Variants in SLC38A10 observed in about 807,000 individuals in gnomAD.
SLC38A10 encodes the protein solute carrier family 38 member 10.
SLC38A10 carries 53 observed loss-of-function variants against 81.0 expected under a neutral mutation model. The observed-to-expected ratio is 0.65, with a 90% CI of 0.53 to 0.82. The LOEUF (loss-of-function observed/expected upper bound fraction) is 0.82. SLC38A10 is among the 40% of genes least tolerant of loss of function. SLC38A10 has a pLI of 0.00. For synonymous variants in SLC38A10, 665 were observed against 655.3 expected (o/e 1.01, Z -0.23); for missense variants, 1,471 against 1,545.0 (o/e 0.95, Z 0.80).
rs2063102432 is a variant in SLC38A10, at chr17:81,270,217, CA to C, written c.1131+700del. ...ACTTTGGGTAGAGCCACCACATTTACAGATGCTCACACCCCTGACACAGGAT... is the reference window on the plus strand; with the variant it reads ...ACTTTGGGTAGAGCCACCACATTTACGATGCTCACACCCCTGACACAGGAT... On this transcript the variant is annotated intron_variant, in intron 10 of 15. Transcript: ENST00000374759. This position sits in a 1 kb window ranked among gnomAD's most constrained non-coding sequence, Gnocchi z 4.0. Among the ~76,000 whole-genome samples the C allele has an allele frequency of 6.6e-6, 1 of 152,204 alleles. No homozygotes were observed. The highest frequency in any genetic ancestry group is 6.5e-5 in the Admixed American group (1 of 15,282).
chr17:81,258,102 C>T (rs941360918), intron 11 of SLC38A10, among the ~76,000 whole-genome samples: 1 of 152,318 alleles, frequency 6.6e-6, no homozygotes, highest in Non-Finnish European at 1.5e-5. Flanking sequence ...CGTCTAACCA[C>T]GACACATGAC....
At chr17:81,294,736 G>T in intron 1 of SLC38A10, 87 bp downstream of exon 1, 1 of 1,264,510 alleles carries the variant, frequency 7.9e-7, no homozygotes, top group Non-Finnish European at 1.1e-6. Flanking sequence ...GCCCTGCCCC[G>T]GCGGGAACTT....
chr17:81,271,949 G>C (rs915495775), intron 9 of SLC38A10, among the ~76,000 whole-genome samples: 4 of 151,634 alleles, frequency 2.6e-5, no homozygotes, highest in African/African-American at 9.7e-5. Context: ...GGATGGTTTC[G>C]ATCTCCTGAC....
chr17:81,267,348 G>T (rs2063078992), intron 10 of SLC38A10, among the ~76,000 whole-genome samples: 1 of 152,172 alleles, frequency 6.6e-6, no homozygotes, highest in Non-Finnish European at 1.5e-5. Flanking sequence ...CTAAAAAAAT[G>T]AGGGAGGAAT....
At chr17:81,294,695 C>T (rs1245803566) in intron 1 of SLC38A10, 128 bp downstream of exon 1, 3 of 764,034 alleles carry the variant, frequency 3.9e-6, no homozygotes, top group African/African-American at 3.7e-5. Flanking sequence ...AGGGTCGCCC[C>T]GCCCGCGGCC....
In SLC38A10 at chr17:81,246,133, G is replaced by A; in HGVS notation, c.2783C>T (p.Pro928Leu). The change falls in exon 16 of 16, where the codon CCC (proline) becomes CTC (leucine). Residue 928 changes from proline (P) to leucine (L), a missense_variant. Coordinates refer to ENST00000374759, the MANE Select transcript of SLC38A10 (RefSeq NM_001037984.3). ...GCCCAGGTCTCGGCTCACTTGCTTGGGCTTCATGCGAGGGTCCCCCGTCTC... is the reference window on the plus strand; with the variant it reads ...GCCCAGGTCTCGGCTCACTTGCTTGAGCTTCATGCGAGGGTCCCCCGTCTC... ...GAETGDPRMK[P>L]KQVSRDLGLA... The A allele has an allele frequency of 2.5e-6, 4 of 1,610,082 alleles. No homozygotes were observed. The highest frequency in any genetic ancestry group is 3.4e-6 in the Non-Finnish European group (4 of 1,179,728).
Position 81,289,404 on chromosome 17 carries a change from G to A in SLC38A10, c.217+287C>T, listed in dbSNP as rs1159039459. ...TTTAATTCTTTTGAGACAGGGTCTC[G>A]CTCTGTCACCCAGGCTGGAATACAA... On this transcript the variant is annotated intron_variant, in intron 2 of 15. Coordinates refer to ENST00000374759, the MANE Select transcript of SLC38A10 (RefSeq NM_001037984.3). This position sits in a 1 kb window ranked among gnomAD's most constrained non-coding sequence, Gnocchi z 5.9. 1.0e-4 allele frequency among the ~76,000 whole-genome samples: 15 copies of A among 150,666 alleles called. No individual in the cohort carries two copies. Among genetic ancestry groups the A allele is most frequent in the Non-Finnish European group, 1.9e-4 (13 of 67,756 alleles).
chr17:81,266,106 G>T (rs970977476), intron 10 of SLC38A10, among the ~76,000 whole-genome samples: 1 of 152,186 alleles, frequency 6.6e-6, no homozygotes, highest in Admixed American at 6.5e-5. Flanking sequence ...TCAGTGACGC[G>T]CCAGCCACTC....
chr17:81,251,733 C>G, intron 13 of SLC38A10, 121 bp from the exon 14 acceptor site: 1 of 1,085,394 alleles, frequency 9.2e-7, no homozygotes, highest in Non-Finnish European at 1.2e-6. Flanking sequence ...AAAGTGACAC[C>G]CCCGTCAGCA....
chr17:81,261,407 G>A (rs1016307140), intron 10 of SLC38A10, among the ~76,000 whole-genome samples: 1 of 152,248 alleles, frequency 6.6e-6, no homozygotes, highest in Non-Finnish European at 1.5e-5. Context: ...TGTGTGCACT[G>A]GCAAGGCGGA....
In SLC38A10 at chr17:81,245,562, C is replaced by G. The variant is rs781621521; in HGVS notation, c.3354G>C (p.Glu1118Asp). The stretch of plus-strand genomic sequence containing the variant: ...CCCTCATGGCCAGCAGGTGCTAGGA[C>G]TCCTCTGGAGGCCCAGGCGCCTGTC... ...QLRQAPGPPE[E>D]S Residue 1118 changes from glutamate to aspartate, a missense_variant, in exon 16 of 16, where the codon GAG becomes GAC. Coordinates refer to ENST00000374759, the MANE Select transcript of SLC38A10 (RefSeq NM_001037984.3). 59 of 1,604,284 alleles carry G rather than the reference C, an allele frequency of 3.7e-5. No individual in the cohort carries two copies. The highest frequency in any genetic ancestry group is 8.5e-6 in the Non-Finnish European group (10 of 1,175,748).
chr17:81,253,791 C>G lies in SLC38A10; in HGVS notation c.1289-551G>C, dbSNP rs374243393. Among the ~76,000 whole-genome samples the G allele has an allele frequency of 1.0e-4, 12 of 114,916 alleles. No homozygotes were observed. The East Asian group carries it at 1.4e-3, about 13-fold the overall frequency. The allele number at this position is 114,916 out of a possible 152,430, so 75.4% of individuals were successfully genotyped here. On this transcript the variant is annotated intron_variant, in intron 11 of 15. Transcript: ENST00000374759. This position sits in a 1 kb window ranked among gnomAD's most constrained non-coding sequence, Gnocchi z 4.1. ...CCATCATCACCATCTCCATCCCTACCACCATCACCATCATCATCACCGTCA... is the reference window on the plus strand; with the variant it reads ...CCATCATCACCATCTCCATCCCTACGACCATCACCATCATCATCACCGTCA...
At chr17:81,272,421 T>C (rs543400809) in intron 9 of SLC38A10, 95 bp downstream of exon 9, 3 of 638,964 alleles carry the variant, frequency 4.7e-6, no homozygotes, top group Admixed American at 7.0e-5. Flanking sequence ...CCAGAGAAGA[T>C]GGTCTCTGTG....
chr17:81,292,612 C>T (rs1275276657), intron 1 of SLC38A10, among the ~76,000 whole-genome samples: 1 of 152,214 alleles, frequency 6.6e-6, no homozygotes, highest in Non-Finnish European at 1.5e-5. Flanking sequence ...AGCAACTGGG[C>T]CTCCCTCTGG....
Position 81,250,209 on chromosome 17 carries a change from G to A in SLC38A10, c.2065+1284C>T, listed in dbSNP as rs951022891. Reference sequence around the variant, plus strand: ...AACAGGTTCAGGTAACAGAGCATAGGAATTGGAACCAACAAACATGGCCAG... The same window carrying A: ...AACAGGTTCAGGTAACAGAGCATAGAAATTGGAACCAACAAACATGGCCAG... On this transcript the variant is annotated intron_variant, in intron 14 of 15. Coordinates refer to ENST00000374759, the MANE Select transcript of SLC38A10 (RefSeq NM_001037984.3). 4.8e-6 allele frequency: 5 copies of A among 1,051,738 alleles called. No homozygotes were observed. The African/African-American group carries it at 6.7e-5, about 14-fold the overall frequency. 65.2% of individuals were successfully genotyped at this position (1,051,738 alleles called of 1,614,324 possible).
chr17:81,271,642 C>T (rs1030184348), intron 9 of SLC38A10, among the ~76,000 whole-genome samples: 3 of 152,026 alleles, frequency 2.0e-5, no homozygotes, highest in African/African-American at 4.8e-5. Flanking sequence ...GGACAGCATG[C>T]GCTGTTCTAG....
At chr17:81,249,397 G>A (rs2062886819) in intron 14 of SLC38A10, among the ~76,000 whole-genome samples, 1 of 149,146 alleles carries the variant, frequency 6.7e-6, no homozygotes, top group Non-Finnish European at 1.5e-5. Flanking sequence ...GAGGGAAGAG[G>A]AGGATGAAGG....
chr17:81,293,886 A>G (rs2063328602), intron 1 of SLC38A10, among the ~76,000 whole-genome samples: 1 of 152,240 alleles, frequency 6.6e-6, no homozygotes, highest in Non-Finnish European at 1.5e-5. Context: ...TGTAGATTAA[A>G]CAGATGACAC....
At position 81,252,695 on chromosome 17, in the gene SLC38A10, C is replaced by A; in HGVS notation, c.1457-12G>T. 6.3e-7 allele frequency: 1 copy of A among 1,586,290 alleles called. No homozygotes were observed. Among genetic ancestry groups the A allele is most frequent in the South Asian group, 1.1e-5 (1 of 88,310 alleles). On this transcript the variant is annotated splice_polypyrimidine_tract_variant and intron_variant, in intron 12 of 15. Coordinates refer to ENST00000374759, the MANE Select transcript of SLC38A10 (RefSeq NM_001037984.3). Reference sequence around the variant, plus strand: ...AGGCACAGCAATCCCTGCAAGGGCACGGGGGACAGATGGGGTCAGGCTGAG... The same window carrying A: ...AGGCACAGCAATCCCTGCAAGGGCAAGGGGGACAGATGGGGTCAGGCTGAG...
Sources: gnomAD v4.1 joint callset for allele counts (sites outside exome capture counted in the v4.1 genomes callset) on GRCh38, gnomAD v4.1.1 for gene constraint, Gnocchi (gnomAD v3.1) non-coding constraint, MANE v1.5 for transcripts, NCBI Gene and HGNC (gene_info 2026-07-23, HGNC 2026-07-21) for gene names.